The following SLC4A5 variants were observed in gnomAD, a reference collection of about 807,000 sequenced individuals.
SLC4A5 encodes electrogenic sodium bicarbonate cotransporter 4.
SLC4A5 carries 96 observed loss-of-function variants against 120.4 expected under a neutral mutation model. That is an observed-to-expected ratio of 0.80 (90% CI 0.68 to 0.94). SLC4A5 has a LOEUF of 0.94. SLC4A5 is among the 40% of genes least tolerant of loss of function. The probability of loss-of-function intolerance (pLI) is 0.00; values close to 1 mark genes in which losing one functional copy is unlikely to be tolerated. For missense variants in SLC4A5, 1,259 were observed against 1,459.5 expected, an observed-to-expected ratio of 0.86 and a Z score of 2.24; for synonymous variants, 550 against 571.1, an observed-to-expected ratio of 0.96 and a Z score of 0.53.
At chr2:74,257,825 C>T (rs1422003822) in intron 12 of SLC4A5, among the ~76,000 whole-genome samples, 2 of 152,188 alleles carry the variant, frequency 1.3e-5, no homozygotes, top group East Asian at 3.9e-4. Context: ...CCATCAGCCT[C>T]AGCCTCCCAA....
At chr2:74,233,622 TCGCCTGGC>T (rs1670172865) in intron 22 of SLC4A5, 59 bp from the exon 23 acceptor site, 1 of 1,513,766 alleles carries the variant, frequency 6.6e-7, no homozygotes. Context: ...AGGGCACTTG[TCGCCTGGC>T]CTGCTGTCCC....
chr2:74,249,061 T>C lies in SLC4A5; in HGVS notation c.1654-575A>G, dbSNP rs186442834. Among the ~76,000 whole-genome samples the C allele has an allele frequency of 2.4e-4, 36 of 152,286 alleles. No homozygotes were observed. The East Asian group carries it at 5.6e-3, about 24-fold the overall frequency. Reference sequence around the variant, plus strand: ...TCTTTGCTGTGGAGGGTCTGTCCTGTGTATTGTAGTGTGTTTAGTAGCATC... The same window carrying C: ...TCTTTGCTGTGGAGGGTCTGTCCTGCGTATTGTAGTGTGTTTAGTAGCATC... On this transcript the variant is annotated intron_variant, in intron 17 of 30. Coordinates refer to ENST00000394019, the Ensembl canonical transcript of SLC4A5.
chr2:74,277,088 G>A (rs1671667909), intron 8 of SLC4A5, among the ~76,000 whole-genome samples: 1 of 152,208 alleles, frequency 6.6e-6, no homozygotes, highest in Non-Finnish European at 1.5e-5. Flanking sequence ...ATTTGTATGA[G>A]TTAGCCTGAG....
chr2:74,307,227 C>T (rs183179359), intron 6 of SLC4A5: 68 of 526,060 alleles, frequency 1.3e-4, no homozygotes, highest in African/African-American at 7.6e-4. Context: ...TGGCTCCTCT[C>T]GGCTCTTCTG....
intron 8 of SLC4A5, among the ~76,000 whole-genome samples, chr2:74,277,702 C>T (rs1671688663): frequency 2.0e-5 from 3 of 148,088 alleles, no homozygotes. Context: ...TGTTTTGATT[C>T]TAAGTTGTAT....
intron 30 of SLC4A5, 67 bp downstream of exon 30, chr2:74,221,367 C>T: frequency 7.8e-7 from 1 of 1,280,578 alleles, no homozygotes; most frequent in Non-Finnish European, 1.1e-6. Flanking sequence ...ATCCTAGACC[C>T]TCCACCTTCC....
At chr2:74,263,771 T>C (rs1332228651) in intron 10 of SLC4A5, among the ~76,000 whole-genome samples, 1 of 152,244 alleles carries the variant, frequency 6.6e-6, no homozygotes, top group Non-Finnish European at 1.5e-5. Context: ...CATTTCCCAA[T>C]GCTGTGTGAC....
At position 74,255,571 on chromosome 2, in the gene SLC4A5, G is replaced by A. The variant is rs1670937873; in HGVS notation, c.1025+204C>T. 6.6e-6 allele frequency among the ~76,000 whole-genome samples: 1 copy of A among 152,202 alleles called. No homozygotes were observed. The highest frequency in any genetic ancestry group is 1.5e-5 in the Non-Finnish European group (1 of 68,036). On this transcript the variant is annotated intron_variant, in intron 13 of 30. Transcript: ENST00000394019. The surrounding 1 kb of genome is among the most constrained non-coding windows in gnomAD (Gnocchi z 4.0). The stretch of plus-strand genomic sequence containing the variant: ...GCATCCCAAAGTGCTGGGATTACAG[G>A]CGTGAGCCACCGCACCTGGCCTCTT...
In SLC4A5 at chr2:74,254,923, G is replaced by T. The variant is rs909989522; in HGVS notation, c.1026-217C>A. The stretch of plus-strand genomic sequence containing the variant: ...CAACCTCCACCTCCTAGGCTCAAGT[G>T]ATCCTCCCACCTCAGCCTCCTGAGT... On this transcript the variant is annotated intron_variant, in intron 13 of 30. Transcript: ENST00000394019. 5.3e-5 allele frequency among the ~76,000 whole-genome samples: 8 copies of T among 151,702 alleles called. No individual in the cohort carries two copies. In the South Asian group the frequency reaches 6.2e-4, roughly 12 times the overall value.
At chr2:74,246,792 C>T (rs138264232) in intron 19 of SLC4A5, among the ~76,000 whole-genome samples, 10 of 152,318 alleles carry the variant, frequency 6.6e-5, no homozygotes, top group Non-Finnish European at 1.0e-4. Context: ...GCAAAGCATG[C>T]CTTACTCCTT....
In SLC4A5 at chr2:74,265,099, C is replaced by A; in HGVS notation, c.562+5G>T. On this transcript the variant is annotated splice_donor_5th_base_variant and intron_variant, in intron 9 of 30. Transcript: ENST00000394019. ...GAGAGATGCACACAGTGGCCCCTGC[C>A]TCACCTATGATCTGTGGTAAGGAGC... The A allele has an allele frequency of 6.2e-7, 1 of 1,611,680 alleles. No homozygotes were observed. Among genetic ancestry groups the A allele is most frequent in the Non-Finnish European group, 8.5e-7 (1 of 1,178,390 alleles).
chr2:74,255,964 G>C lies in SLC4A5; in HGVS notation c.868-32C>G. 1.2e-6 allele frequency: 2 copies of C among 1,608,830 alleles called. No homozygotes were observed. The highest frequency in any genetic ancestry group is 1.7e-6 in the Non-Finnish European group (2 of 1,175,806). ...AGGGAGGGGAAACGAGATAGCCAAG[G>C]AGACTCCCACCTGCTCTCACTCCCT... On this transcript the variant is annotated intron_variant, in intron 12 of 30. Coordinates refer to ENST00000394019, the Ensembl canonical transcript of SLC4A5. This position sits in a 1 kb window ranked among gnomAD's most constrained non-coding sequence, Gnocchi z 4.0.
At chr2:74,227,418 A>T in intron 26 of SLC4A5, 1 of 1,486,940 alleles carries the variant, frequency 6.7e-7, no homozygotes, top group Non-Finnish European at 9.1e-7. Context: ...AAACTGTTTA[A>T]GAATTCTGGG....
intron 21 of SLC4A5, 96 bp downstream of exon 21, chr2:74,239,239 G>T: frequency 2.5e-6 from 3 of 1,191,726 alleles, no homozygotes; most frequent in Non-Finnish European, 3.7e-6. Flanking sequence ...GCCAGTGCTC[G>T]CATGGAGTCC....
chr2:74,325,283 A>C (rs1259674760), intron 5 of SLC4A5, among the ~76,000 whole-genome samples: 2 of 152,256 alleles, frequency 1.3e-5, no homozygotes, highest in Non-Finnish European at 2.9e-5. Flanking sequence ...AACACAGATG[A>C]GAACTCTACA....
intron 7 of SLC4A5, among the ~76,000 whole-genome samples, chr2:74,295,758 G>A (rs960504981): frequency 5.9e-5 from 9 of 152,142 alleles, no homozygotes; most frequent in Admixed American, 2.0e-4. Flanking sequence ...TGCCTTAAAC[G>A]ACCAATTTTG....
chr2:74,246,524 G>T (rs1173140743), intron 19 of SLC4A5, among the ~76,000 whole-genome samples: 5 of 152,214 alleles, frequency 3.3e-5, no homozygotes, highest in Non-Finnish European at 5.9e-5. Flanking sequence ...TTCTCCAACT[G>T]TTCTCAGATG....
intron 5 of SLC4A5, chr2:74,319,641 T>C (rs1673048615): frequency 6.6e-6 from 1 of 152,190 alleles, no homozygotes; most frequent in Non-Finnish European, 1.5e-5. Flanking sequence ...TATATGATTG[T>C]TTGCAATATA....
chr2:74,249,925 T>C (rs1243022897), intron 17 of SLC4A5, among the ~76,000 whole-genome samples: 1 of 152,214 alleles, frequency 6.6e-6, no homozygotes, highest in Non-Finnish European at 1.5e-5. Context: ...GTTGTTGTCA[T>C]GGCAACAGCT....
Sources: gnomAD v4.1 joint callset for allele counts (sites outside exome capture counted in the v4.1 genomes callset) on GRCh38, gnomAD v4.1.1 for gene constraint, Gnocchi (gnomAD v3.1) non-coding constraint, MANE v1.5 for transcripts, NCBI Gene and HGNC (gene_info 2026-07-23, HGNC 2026-07-21) for gene names.